TIAL1: variants seen among roughly 807,000 people sequenced by gnomAD.
TIAL1 encodes TIA1 cytotoxic granule associated RNA binding protein like 1.
Under a neutral mutation model 59.7 loss-of-function variants are expected in TIAL1, and 7 were observed. That is an observed-to-expected ratio of 0.12 (90% CI 0.07 to 0.22). TIAL1 has a LOEUF of 0.22. TIAL1 is among the 10% of genes least tolerant of loss of function. The pLI, the probability that TIAL1 is intolerant of heterozygous loss-of-function variation, is 1.00. For synonymous variants in TIAL1, 149 were observed against 146.3 expected (o/e 1.02, Z -0.13); for missense variants, 225 against 462.5 (o/e 0.49, Z 4.71).
At chr10:119,577,565 G>GAT in intron 8 of TIAL1, 30 bp from the exon 9 acceptor site, 6 of 1,608,202 alleles carry the variant, frequency 3.7e-6, no homozygotes, top group Non-Finnish European at 5.1e-6. Context: ...AATAAAACAT[G>GAT]GCTGATGTGT....
At position 119,596,517 on chromosome 10, in the gene TIAL1, G is replaced by T; in HGVS notation, c.-52C>A. 1.2e-6 allele frequency: 1 copy of T among 866,020 alleles called. No individual in the cohort carries two copies. The highest frequency in any genetic ancestry group is 1.5e-5 in the South Asian group (1 of 65,654). 53.6% of individuals were successfully genotyped at this position (866,020 alleles called of 1,614,324 possible). A position where few individuals can be genotyped will look rare whatever the true frequency, so the allele number is the denominator to read the frequency against. ...ACAAGGGGGAGGGCAGGGTTGGGGAGGGGAGGGGGTGGGGAGGAAGGGGAG... is the reference window on the plus strand; with the variant it reads ...ACAAGGGGGAGGGCAGGGTTGGGGATGGGAGGGGGTGGGGAGGAAGGGGAG... On this transcript the variant is annotated 5_prime_UTR_variant, in exon 1 of 12. Transcript: ENST00000436547.
At chr10:119,595,409 A>C (rs1846113408) in intron 1 of TIAL1, among the ~76,000 whole-genome samples, 1 of 150,668 alleles carries the variant, frequency 6.6e-6, no homozygotes, top group Non-Finnish European at 1.5e-5. Context: ...TGCCCAATTT[A>C]AACATTTAAT....
Position 119,574,456 on chromosome 10 carries a change from C to T in TIAL1, c.*1209G>A, listed in dbSNP as rs1333374278. 4.6e-5 allele frequency: 7 copies of T among 152,014 alleles called. No individual in the cohort carries two copies. Among genetic ancestry groups the T allele is most frequent in the Non-Finnish European group, 1.0e-4 (7 of 67,898 alleles). The allele number at this position is 152,014 out of a possible 1,614,324, so 9.4% of individuals were successfully genotyped here. On this transcript the variant is annotated 3_prime_UTR_variant, in exon 12 of 12. Coordinates refer to ENST00000436547, the MANE Select transcript of TIAL1 (RefSeq NM_003252.4). ...CAATCTTGTTAAAAAAATTCTTGGG[C>T]AAAATATATCTTAATTTTTAAAAAC...
intron 1 of TIAL1, among the ~76,000 whole-genome samples, chr10:119,594,156 CAG>C (rs1846032757): frequency 6.6e-6 from 1 of 151,272 alleles, no homozygotes; most frequent in Non-Finnish European, 1.5e-5. Context: ...TACAAAACAA[CAG>C]AGTTAAGATG....
Position 119,582,666 on chromosome 10 carries a change from C to T in TIAL1, c.130-109G>A. ...ATAGCTGGGAATATACAAGGTGAGA[C>T]TGCATAAGCTTATGAAAGCCTAACA... is the stretch of plus-strand genomic sequence containing the variant. On this transcript the variant is annotated intron_variant, in intron 2 of 11. Coordinates refer to ENST00000436547, the MANE Select transcript of TIAL1 (RefSeq NM_003252.4). This position sits in a 1 kb window ranked among gnomAD's most constrained non-coding sequence, Gnocchi z 5.1. 4 of 1,495,374 alleles carry T rather than the reference C, an allele frequency of 2.7e-6. No homozygotes were observed. The highest frequency in any genetic ancestry group is 3.6e-6 in the Non-Finnish European group (4 of 1,124,324). The allele number at this position is 1,495,374 out of a possible 1,614,324, so 92.6% of individuals were successfully genotyped here. A position where few individuals can be genotyped will look rare whatever the true frequency, so the allele number is the denominator to read the frequency against.
chr10:119,596,855 C>G lies in TIAL1; in HGVS notation c.-390G>C. Reference sequence around the variant, plus strand: ...CACGTCGTCGCTGTGGGCCTCTGGCCGGCCGAAGCCCAGCCAGCTCCGGGA... The same window carrying G: ...CACGTCGTCGCTGTGGGCCTCTGGCGGGCCGAAGCCCAGCCAGCTCCGGGA... On this transcript the variant is annotated 5_prime_UTR_variant, in exon 1 of 12. Coordinates refer to ENST00000436547, the MANE Select transcript of TIAL1 (RefSeq NM_003252.4). The G allele has an allele frequency of 4.3e-6, 1 of 231,732 alleles. No individual in the cohort carries two copies. Among genetic ancestry groups the G allele is most frequent in the Non-Finnish European group, 8.7e-6 (1 of 115,560 alleles). The allele number at this position is 231,732 out of a possible 1,614,324, so 14.4% of individuals were successfully genotyped here. A position where few individuals can be genotyped will look rare whatever the true frequency, so the allele number is the denominator to read the frequency against.
At position 119,574,008 on chromosome 10, in the gene TIAL1, G is replaced by A. The variant is rs1220125637; in HGVS notation, c.*1657C>T. On this transcript the variant is annotated 3_prime_UTR_variant, in exon 12 of 12. Coordinates refer to ENST00000436547, the MANE Select transcript of TIAL1 (RefSeq NM_003252.4). ...TAAAACTTCAAATGTTTAGAAAACA[G>A]TAATTTGTGGGTACTAATCGCATCT... is the stretch of plus-strand genomic sequence containing the variant. The A allele has an allele frequency of 2.0e-5, 3 of 152,636 alleles. No homozygotes were observed. The highest frequency in any genetic ancestry group is 2.9e-5 in the Non-Finnish European group (2 of 68,046). 9.5% of individuals were successfully genotyped at this position (152,636 alleles called of 1,614,324 possible). A position where few individuals can be genotyped will look rare whatever the true frequency, so the allele number is the denominator to read the frequency against.
intron 1 of TIAL1, among the ~76,000 whole-genome samples, chr10:119,595,484 GA>G (rs1477915850): frequency 6.6e-6 from 1 of 150,598 alleles, no homozygotes; most frequent in East Asian, 2.0e-4. Context: ...ACACTATTCA[GA>G]AAGGAATGCA....
At chr10:119,578,634 CATAA>C in intron 7 of TIAL1, 88 bp downstream of exon 7, 1 of 1,153,542 alleles carries the variant, frequency 8.7e-7, no homozygotes, top group African/African-American at 1.5e-5. Context: ...CTGTCTCTTA[CATAA>C]ATAAATTAGA....
chr10:119,577,077 T>C lies in TIAL1; in HGVS notation c.861+3A>G, dbSNP rs377679752. On this transcript the variant is annotated splice_donor_region_variant and intron_variant, in intron 10 of 11. Transcript: ENST00000436547. Reference sequence around the variant, plus strand: ...TAAAGAATGCTATGAAAAATCGAATTACCTGTTGGAAGTTTTTAGTCATAT... The same window carrying C: ...TAAAGAATGCTATGAAAAATCGAATCACCTGTTGGAAGTTTTTAGTCATAT... 53 of 1,613,062 alleles carry C rather than the reference T, an allele frequency of 3.3e-5. No individual in the cohort carries two copies. Among genetic ancestry groups the C allele is most frequent in the Middle Eastern group, 1.6e-4 (1 of 6,080 alleles).
At chr10:119,594,519 A>T (rs914033877) in intron 1 of TIAL1, among the ~76,000 whole-genome samples, 1 of 152,218 alleles carries the variant, frequency 6.6e-6, no homozygotes, top group Non-Finnish European at 1.5e-5. Flanking sequence ...ATCTTTGTTA[A>T]ATACATGTTA....
chr10:119,590,392 G>T (rs1845788804), intron 1 of TIAL1, among the ~76,000 whole-genome samples: 1 of 152,072 alleles, frequency 6.6e-6, no homozygotes, highest in South Asian at 2.1e-4. Flanking sequence ...ATTTCTTTTT[G>T]TACAGAGTAG....
In TIAL1 at chr10:119,574,602, A is replaced by AAAAAAAAAAAAAAAAAAAAAAAC. The variant is rs1844881438; in HGVS notation, c.*1062_*1063insGTTTTTTTTTTTTTTTTTTTTTT. 6.7e-6 allele frequency: 1 copy of AAAAAAAAAAAAAAAAAAAAAAAC among 148,384 alleles called. No homozygotes were observed. The highest frequency in any genetic ancestry group is 2.5e-5 in the African/African-American group (1 of 39,326). The allele number at this position is 148,384 out of a possible 1,614,324, so 9.2% of individuals were successfully genotyped here. A position where few individuals can be genotyped will look rare whatever the true frequency, so the allele number is the denominator to read the frequency against. On this transcript the variant is annotated 3_prime_UTR_variant, in exon 12 of 12. Transcript: ENST00000436547. ...AATGTAAAGCAAAAAAAAAAAAAAA[A>AAAAAAAAAAAAAAAAAAAAAAAC]AAAAACAAAAACAAAAAACTAATTC...
intron 11 of TIAL1, among the ~76,000 whole-genome samples, chr10:119,576,382 G>A (rs1844995515): frequency 6.6e-6 from 1 of 151,990 alleles, no homozygotes; most frequent in African/African-American, 2.4e-5. Flanking sequence ...CTGCTTACAG[G>A]GATCATAGGA....
Position 119,596,141 on chromosome 10 carries a change from C to T in TIAL1, c.32+293G>A, listed in dbSNP as rs551890357. ...GAGGGGGTGCAGGAGTTCTCCTGGG[C>T]CTGACAGCCTCAGCCGTGCAGAAAC... is the stretch of plus-strand genomic sequence containing the variant. On this transcript the variant is annotated intron_variant, in intron 1 of 11. Transcript: ENST00000436547. 2.0e-5 allele frequency among the ~76,000 whole-genome samples: 3 copies of T among 151,892 alleles called. No individual in the cohort carries two copies. In the East Asian group the frequency reaches 5.9e-4, roughly 30 times the overall value.
At chr10:119,586,114 G>A (rs1845561483) in intron 2 of TIAL1, among the ~76,000 whole-genome samples, 1 of 152,132 alleles carries the variant, frequency 6.6e-6, no homozygotes, top group African/African-American at 2.4e-5. Flanking sequence ...CTCTAGAGTT[G>A]CAAACTACTT....
chr10:119,578,661 A>C, intron 7 of TIAL1, 65 bp downstream of exon 7: 1 of 1,333,554 alleles, frequency 7.5e-7, no homozygotes, highest in Non-Finnish European at 1.1e-6. Flanking sequence ...TTGAGACTAG[A>C]TGAATACATG....
Position 119,576,521 on chromosome 10 carries a change from A to G in TIAL1, c.1001+90T>C, listed in dbSNP as rs1033854745. ...TAATGCCAAATAGCTCAATGTATATAATTAAAATAGATTCTCCCTAGGAAA... is the reference window on the plus strand; with the variant it reads ...TAATGCCAAATAGCTCAATGTATATGATTAAAATAGATTCTCCCTAGGAAA... On this transcript the variant is annotated intron_variant, in intron 11 of 11. Coordinates refer to ENST00000436547, the MANE Select transcript of TIAL1 (RefSeq NM_003252.4). The G allele has an allele frequency of 2.0e-6, 3 of 1,507,120 alleles. No individual in the cohort carries two copies. In the African/African-American group the frequency reaches 4.2e-5, roughly 21 times the overall value. 93.4% of individuals were successfully genotyped at this position (1,507,120 alleles called of 1,614,324 possible).
chr10:119,577,125 G>A lies in TIAL1; in HGVS notation c.816C>T (p.Cys272=). The A allele has an allele frequency of 6.2e-7, 1 of 1,613,936 alleles. No individual in the cohort carries two copies. The highest frequency in any genetic ancestry group is 8.5e-7 in the Non-Finnish European group (1 of 1,179,924). The change falls in exon 10 of 12, where the codon TGC becomes TGT. Residue 272 remains cysteine, a synonymous_variant. Coordinates refer to ENST00000436547, the MANE Select transcript of TIAL1 (RefSeq NM_003252.4). ...TATCAGGAGATTCTTTACCCCAATAGCATTTAACCACATGTCCTTCAATCG... is the reference window on the plus strand; with the variant it reads ...TATCAGGAGATTCTTTACCCCAATAACATTTAACCACATGTCCTTCAATCG... The part of the protein sequence containing the change: ...GTTIEGHVVK[C]YWGKESPDMT...
Sources: gnomAD v4.1 joint callset for allele counts (sites outside exome capture counted in the v4.1 genomes callset) on GRCh38, gnomAD v4.1.1 for gene constraint, Gnocchi (gnomAD v3.1) non-coding constraint, MANE v1.5 for transcripts, NCBI Gene and HGNC (gene_info 2026-07-23, HGNC 2026-07-21) for gene names.